Variants in IQCJ observed in about 807,000 individuals in gnomAD.
The protein encoded by IQCJ is IQ domain-containing protein J.
Under a neutral mutation model 11.0 loss-of-function variants are expected in IQCJ, and 9 were observed. That is an observed-to-expected ratio of 0.82 (90% CI 0.49 to 1.43). The LOEUF (loss-of-function observed/expected upper bound fraction) is 1.43. Ranked by LOEUF, IQCJ falls within the 40% of genes most tolerant of loss-of-function variation. IQCJ has a pLI of 0.00. For missense variants in IQCJ, 146 were observed against 133.2 expected (o/e 1.10, Z -0.47); for synonymous variants, 55 against 51.3 (o/e 1.07, Z -0.31).
chr3:159,202,226 C>T (rs1724393564), intron 1 of IQCJ, among the ~76,000 whole-genome samples: 1 of 152,108 alleles, frequency 6.6e-6, no homozygotes, highest in Non-Finnish European at 1.5e-5. Context: ...TACAACTTGT[C>T]CTGAGTTTTA....
intron 3 of IQCJ, among the ~76,000 whole-genome samples, chr3:159,260,105 A>T (rs954560108): frequency 6.6e-6 from 1 of 152,202 alleles, no homozygotes; most frequent in Admixed American, 6.5e-5. Flanking sequence ...TTGTCTTCTT[A>T]ATATCTGACT....
chr3:159,073,796 T>C (rs1715739291), intron 1 of IQCJ, among the ~76,000 whole-genome samples: 1 of 152,164 alleles, frequency 6.6e-6, no homozygotes, highest in Non-Finnish European at 1.5e-5. Context: ...TTCTGTGGCA[T>C]GTAAAGACCC....
intron 1 of IQCJ, among the ~76,000 whole-genome samples, chr3:159,134,534 C>T (rs1311368411): frequency 6.6e-6 from 1 of 152,114 alleles, no homozygotes; most frequent in African/African-American, 2.4e-5. Context: ...GTGACCAGAA[C>T]CACATTTATA....
At chr3:159,112,499 A>G (rs1014924380) in intron 1 of IQCJ, among the ~76,000 whole-genome samples, 1 of 152,216 alleles carries the variant, frequency 6.6e-6, no homozygotes, top group Non-Finnish European at 1.5e-5. Flanking sequence ...TTGGACATAT[A>G]GAACTAATAC....
intron 1 of IQCJ, among the ~76,000 whole-genome samples, chr3:159,226,535 A>G (rs1171500863): frequency 6.6e-6 from 1 of 152,222 alleles, no homozygotes; most frequent in Non-Finnish European, 1.5e-5. Context: ...TATCACAACT[A>G]CAGTTATGCA....
chr3:159,125,165 G>A (rs1325839576), intron 1 of IQCJ, among the ~76,000 whole-genome samples: 2 of 152,172 alleles, frequency 1.3e-5, no homozygotes, highest in African/African-American at 4.8e-5. Flanking sequence ...TCCTTGACAT[G>A]ATATGATGAA....
chr3:159,086,459 C>G (rs1383675524), intron 1 of IQCJ, among the ~76,000 whole-genome samples: 2 of 152,188 alleles, frequency 1.3e-5, no homozygotes, highest in Non-Finnish European at 2.9e-5. Context: ...TGAAGAAAGT[C>G]ATTGGTAGCT....
At chr3:159,088,931 T>G (rs920682795) in intron 1 of IQCJ, among the ~76,000 whole-genome samples, 2 of 152,158 alleles carry the variant, frequency 1.3e-5, no homozygotes, top group Non-Finnish European at 2.9e-5. Context: ...TTAAAGTTAA[T>G]ATTGTTATGT....
rs1228133973 is a variant in IQCJ, at chr3:159,208,543, C to T, written c.10-37300C>T. ...AGCCCCTTTCCAGGGTACTTGTCCT[C>T]ATCCAGGATTCTTAAATAATGGACT... On this transcript the variant is annotated intron_variant, in intron 1 of 3. Coordinates refer to ENST00000397832, the MANE Select transcript of IQCJ (RefSeq NM_001042706.3). Among the ~76,000 whole-genome samples, 5 of 152,236 alleles carry T rather than the reference C, an allele frequency of 3.3e-5. No homozygotes were observed. In the South Asian group the frequency reaches 8.3e-4, roughly 25 times the overall value.
At chr3:159,150,098 A>C (rs13318193) in intron 1 of IQCJ, among the ~76,000 whole-genome samples, 60,369 of 151,862 alleles carry the variant, frequency 0.4, 12,713 homozygotes, top group East Asian at 0.54. Context: ...ATCTCCCCTA[A>C]TCCCAAGATG....
chr3:159,114,866 G>A (rs1718867683), intron 1 of IQCJ, among the ~76,000 whole-genome samples: 1 of 152,194 alleles, frequency 6.6e-6, no homozygotes. Flanking sequence ...AAATAAAGCT[G>A]AAGACATTTG....
chr3:159,190,444 G>C (rs16830003), intron 1 of IQCJ, among the ~76,000 whole-genome samples: 33,715 of 152,150 alleles, frequency 0.22, 4,564 homozygotes, highest in South Asian at 0.38. Context: ...ATTCTTCTCT[G>C]GTAATGGAAG....
At chr3:159,101,501 A>G (rs370039088) in intron 1 of IQCJ, among the ~76,000 whole-genome samples, 2 of 152,190 alleles carry the variant, frequency 1.3e-5, no homozygotes, top group Non-Finnish European at 1.5e-5. Flanking sequence ...CTTCATGGGA[A>G]GGGGAGAGCC....
chr3:159,175,456 G>A (rs1433365128), intron 1 of IQCJ, among the ~76,000 whole-genome samples: 1 of 152,186 alleles, frequency 6.6e-6, no homozygotes, highest in Non-Finnish European at 1.5e-5. Flanking sequence ...GGGCAACAGA[G>A]CAAGACCCTG....
At chr3:159,138,786 G>A (rs1720438876) in intron 1 of IQCJ, among the ~76,000 whole-genome samples, 2 of 152,184 alleles carry the variant, frequency 1.3e-5, no homozygotes, top group Non-Finnish European at 2.9e-5. Context: ...TTTCAGATGA[G>A]AATATTCCCT....
intron 1 of IQCJ, among the ~76,000 whole-genome samples, chr3:159,162,919 T>A (rs553379022): frequency 6.6e-6 from 1 of 152,296 alleles, no homozygotes; most frequent in Non-Finnish European, 1.5e-5. Flanking sequence ...TCTGAAATTG[T>A]GGCAATAATC....
At chr3:159,227,689 C>A (rs775635599) in intron 1 of IQCJ, among the ~76,000 whole-genome samples, 9 of 152,168 alleles carry the variant, frequency 5.9e-5, no homozygotes, top group Non-Finnish European at 1.2e-4. Flanking sequence ...CGGGAACATT[C>A]CTCAAAGAGG....
At chr3:159,260,561 C>T (rs955708091) in intron 3 of IQCJ, among the ~76,000 whole-genome samples, 1 of 152,210 alleles carries the variant, frequency 6.6e-6, no homozygotes, top group African/African-American at 2.4e-5. Context: ...ACATCACCGA[C>T]AGCTTCCTTA....
intron 1 of IQCJ, among the ~76,000 whole-genome samples, chr3:159,119,112 G>A (rs1031360756): frequency 3.3e-5 from 5 of 152,214 alleles, no homozygotes; most frequent in Non-Finnish European, 7.3e-5. Context: ...TTCCATGGGA[G>A]CCCATTCCTA....
Sources: allele counts gnomAD v4.1 joint callset (sites outside exome capture counted in the v4.1 genomes callset), GRCh38; gene constraint gnomAD v4.1.1; transcripts MANE v1.5; gene names NCBI Gene and HGNC (gene_info 2026-07-23, HGNC 2026-07-21).